The following PDE10A variants were observed in gnomAD, a reference collection of about 807,000 sequenced individuals.
The protein encoded by PDE10A is phosphodiesterase 10A.
A neutral mutation model predicts 97.7 loss-of-function variants in PDE10A; 39 were observed. That is an observed-to-expected ratio of 0.40 (90% CI 0.31 to 0.52). PDE10A has a LOEUF of 0.52. Ranked by LOEUF, PDE10A falls within the 20% of genes least tolerant of loss-of-function variation. The pLI, the probability that PDE10A is intolerant of heterozygous loss-of-function variation, is 0.56. For synonymous variants in PDE10A, 371 were observed against 376.8 expected, an observed-to-expected ratio of 0.98 and a Z score of 0.18; for missense variants, 731 against 1,047.8, an observed-to-expected ratio of 0.70 and a Z score of 4.17.
At chr6:165,984,854 A>G (rs1785135962) in intron 1 of PDE10A, among the ~76,000 whole-genome samples, 2 of 152,242 alleles carry the variant, frequency 1.3e-5, no homozygotes, top group African/African-American at 4.8e-5. Context: ...TGTAACCAAA[A>G]TGCCCTTTCC....
At chr6:165,380,614 A>C (rs1219099985) in intron 17 of PDE10A, among the ~76,000 whole-genome samples, 1 of 152,220 alleles carries the variant, frequency 6.6e-6, no homozygotes, top group Non-Finnish European at 1.5e-5. Flanking sequence ...ACACGACTTC[A>C]CTTTCAAATT....
At chr6:165,484,763 G>C (rs1490818523) in intron 2 of PDE10A, among the ~76,000 whole-genome samples, 3 of 152,176 alleles carry the variant, frequency 2.0e-5, no homozygotes, top group Admixed American at 2.0e-4. Context: ...GCTGCATCTG[G>C]TGGCAGCTTT....
chr6:165,763,489 A>C (rs1438757421), intron 1 of PDE10A, among the ~76,000 whole-genome samples: 1 of 151,878 alleles, frequency 6.6e-6, no homozygotes, highest in East Asian at 1.9e-4. Context: ...TACCCAGCTA[A>C]TTTTTGTATT....
intron 1 of PDE10A, among the ~76,000 whole-genome samples, chr6:165,810,652 G>C (rs1181948775): frequency 6.6e-6 from 1 of 152,052 alleles, no homozygotes; most frequent in East Asian, 1.9e-4. Context: ...CAGAGGTTCA[G>C]CCTACCCTAC....
intron 1 of PDE10A, among the ~76,000 whole-genome samples, chr6:165,774,011 A>C (rs897262960): frequency 6.7e-6 from 1 of 149,802 alleles, no homozygotes; most frequent in African/African-American, 2.4e-5. Flanking sequence ...TTTCAATTTA[A>C]AAAAGATCTG....
At chr6:165,766,626 T>A (rs553062027) in intron 1 of PDE10A, among the ~76,000 whole-genome samples, 2 of 152,338 alleles carry the variant, frequency 1.3e-5, no homozygotes, top group South Asian at 4.1e-4. Flanking sequence ...ATTAGTTATG[T>A]GGAAAACACA....
chr6:165,652,902 G>T (rs1167438338), intron 1 of PDE10A, among the ~76,000 whole-genome samples: 1 of 152,126 alleles, frequency 6.6e-6, no homozygotes, highest in Non-Finnish European at 1.5e-5. Flanking sequence ...CATCCAGAAC[G>T]CTCTAAACAC....
At chr6:165,380,423 T>C (rs772036336) in intron 17 of PDE10A, among the ~76,000 whole-genome samples, 2 of 152,230 alleles carry the variant, frequency 1.3e-5, no homozygotes, top group Non-Finnish European at 2.9e-5. Context: ...ACATGCACCA[T>C]TTGTTTTCAA....
intron 1 of PDE10A, among the ~76,000 whole-genome samples, chr6:165,924,015 TACA>T (rs1268668546): frequency 1.3e-5 from 2 of 152,204 alleles, no homozygotes; most frequent in African/African-American, 4.8e-5. Flanking sequence ...ACCTCACCTC[TACA>T]ACAACAATAA....
intron 1 of PDE10A, among the ~76,000 whole-genome samples, chr6:165,987,119 G>A (rs561119077): frequency 1.3e-5 from 2 of 152,276 alleles, no homozygotes; most frequent in African/African-American, 2.4e-5. Flanking sequence ...GCCGCCTCGG[G>A]AGGCACCTGC....
intron 5 of PDE10A, among the ~76,000 whole-genome samples, chr6:165,442,702 A>T (rs1790560741): frequency 6.6e-6 from 1 of 152,122 alleles, no homozygotes; most frequent in Non-Finnish European, 1.5e-5. Context: ...GGGGCAACAG[A>T]GTCAAACCAT....
At chr6:165,593,774 G>A (rs1316802918) in intron 1 of PDE10A, among the ~76,000 whole-genome samples, 1 of 152,152 alleles carries the variant, frequency 6.6e-6, no homozygotes, top group Non-Finnish European at 1.5e-5. Flanking sequence ...CTAATATTAT[G>A]AAGTATGTAG....
At chr6:165,922,909 T>G (rs1298125123) in intron 1 of PDE10A, among the ~76,000 whole-genome samples, 1 of 152,214 alleles carries the variant, frequency 6.6e-6, no homozygotes, top group Non-Finnish European at 1.5e-5. Context: ...TCCATGAGTC[T>G]GCATTGTGAA....
At chr6:165,666,146 A>G (rs1334650654), upstream of PDE10A, among the ~76,000 whole-genome samples, 1 of 152,204 alleles carries the variant, frequency 6.6e-6, no homozygotes, top group Non-Finnish European at 1.5e-5. Context: ...TGTAACTAAC[A>G]TGGTTAATAT....
rs965030315 is a variant in PDE10A at position 165,768,958 on chromosome 6, G to A, written c.-615+218571C>T. Among the ~76,000 whole-genome samples the A allele has an allele frequency of 2.7e-4, 41 of 152,134 alleles. 1 individual carries two copies. Among genetic ancestry groups the A allele is most frequent in the Non-Finnish European group, 5.4e-4 (37 of 68,028 alleles). On this transcript the variant is annotated intron_variant, in intron 1 of 19. Transcript: ENST00000366882. ...CACTTTAAAGTGAAAATGGTAAAACGTGCCTACTTTCAAAATGTGAAGTTT... is the reference window on the plus strand; with the variant it reads ...CACTTTAAAGTGAAAATGGTAAAACATGCCTACTTTCAAAATGTGAAGTTT...
intron 1 of PDE10A, among the ~76,000 whole-genome samples, chr6:165,636,196 G>A (rs1016013532): frequency 2.0e-5 from 3 of 152,080 alleles, no homozygotes; most frequent in African/African-American, 7.2e-5. Flanking sequence ...CTGGGTTAGG[G>A]TAAACCCTGG....
chr6:165,914,713 G>A (rs1023257372), intron 1 of PDE10A, among the ~76,000 whole-genome samples: 1 of 152,188 alleles, frequency 6.6e-6, no homozygotes, highest in African/African-American at 2.4e-5. Context: ...AGATTTGCCC[G>A]TTTCAGTTTC....
chr6:165,387,693 C>T (rs553198806), intron 17 of PDE10A, among the ~76,000 whole-genome samples: 6 of 152,234 alleles, frequency 3.9e-5, no homozygotes, highest in African/African-American at 1.2e-4. Flanking sequence ...ATACTTAAGC[C>T]AAACCCAGAT....
At chr6:165,742,615 G>A (rs1002749857) in intron 1 of PDE10A, among the ~76,000 whole-genome samples, 2 of 152,078 alleles carry the variant, frequency 1.3e-5, no homozygotes, top group Non-Finnish European at 2.9e-5. Flanking sequence ...AAATGGAATC[G>A]AGTGTATCTA....
Sources: allele counts gnomAD v4.1 joint callset (sites outside exome capture counted in the v4.1 genomes callset), GRCh38; gene constraint gnomAD v4.1.1; transcripts MANE v1.5; gene names NCBI Gene and HGNC (gene_info 2026-07-23, HGNC 2026-07-21).